TRIM65: variants seen among roughly 807,000 people sequenced by gnomAD.
TRIM65 encodes tripartite motif containing 65.
A neutral mutation model predicts 36.1 loss-of-function variants in TRIM65; 46 were observed. The observed-to-expected ratio is 1.27, with a 90% CI of 1.01 to 1.63. TRIM65 has a LOEUF of 1.63. Among genes scored for constraint, TRIM65 ranks in the 40% most tolerant of loss-of-function variants. TRIM65 has a pLI of 0.00. For synonymous variants in TRIM65, 346 were observed against 313.6 expected, an observed-to-expected ratio of 1.10 and a Z score of -1.09; for missense variants, 708 against 696.6, an observed-to-expected ratio of 1.02 and a Z score of -0.18.
In TRIM65 at chr17:75,890,882, G is replaced by A; in HGVS notation, c.1451C>T (p.Pro484Leu). ...GAGGAGCCAGAAGACGGGGGTGAGG[G>A]GCTGGTTGAAGAGGGCATGGAAGGT... is the stretch of plus-strand genomic sequence containing the variant. ...LYTFHALFNQPLTPVFWLLEG... is the reference protein window; with the variant it reads ...LYTFHALFNQLLTPVFWLLEG... The change falls in exon 6 of 6, where the codon CCC (proline) becomes CTC (leucine). Residue 484 changes from proline to leucine, a missense_variant. Physicochemically the swap from Pro to Leu is moderately conservative, Grantham distance 98. Transcript: ENST00000269383. The A allele has an allele frequency of 6.5e-7, 1 of 1,532,342 alleles. No individual in the cohort carries two copies. The highest frequency in any genetic ancestry group is 8.7e-7 in the Non-Finnish European group (1 of 1,143,078). 94.9% of individuals were successfully genotyped at this position (1,532,342 alleles called of 1,614,324 possible).
downstream of TRIM65, among the ~76,000 whole-genome samples, chr17:75,886,174 G>A (rs1309666761): frequency 6.6e-6 from 1 of 152,044 alleles, no homozygotes; most frequent in African/African-American, 2.4e-5. Context: ...CTCCTCCTTC[G>A]CTTTCTACCA....
At position 75,890,729 on chromosome 17, in the gene TRIM65, G is replaced by A; in HGVS notation, c.*50C>T. 1 of 1,407,996 alleles carries A rather than the reference G, an allele frequency of 7.1e-7. No individual in the cohort carries two copies. Among genetic ancestry groups the A allele is most frequent in the Non-Finnish European group, 9.3e-7 (1 of 1,074,260 alleles). The allele number at this position is 1,407,996 out of a possible 1,614,324, so 87.2% of individuals were successfully genotyped here. On this transcript the variant is annotated 3_prime_UTR_variant, in exon 6 of 6. Transcript: ENST00000269383. ...CCAAGCTGAAGCTGGGCAGCTCTTG[G>A]GCACATAGGCATGGTGGCAGCTATG...
At chr17:75,893,230 C>A (rs560880392) in intron 1 of TRIM65, among the ~76,000 whole-genome samples, 34 of 152,290 alleles carry the variant, frequency 2.2e-4, no homozygotes, top group African/African-American at 8.2e-4. Context: ...GGAGGCCTCG[C>A]AGGGAGGACC....
chr17:75,892,646 C>A, intron 2 of TRIM65, 109 bp downstream of exon 2: 1 of 1,262,470 alleles, frequency 7.9e-7, no homozygotes, highest in Non-Finnish European at 1.1e-6. Context: ...CTGTGCCCAG[C>A]TCCCTGCTCA....
At chr17:75,887,188 A>C (rs1350484416), downstream of TRIM65, among the ~76,000 whole-genome samples, 1 of 150,786 alleles carries the variant, frequency 6.6e-6, no homozygotes, top group East Asian at 1.9e-4. Flanking sequence ...GAGAAAAAGC[A>C]AAAAGAAAAA....
At chr17:75,895,558 C>T (rs927202190) in intron 1 of TRIM65, among the ~76,000 whole-genome samples, 4 of 152,164 alleles carry the variant, frequency 2.6e-5, no homozygotes, top group African/African-American at 9.7e-5. Context: ...ATCCCAGAGA[C>T]GGGACCAGGC....
chr17:75,886,640 T>C (rs2065209830), downstream of TRIM65, among the ~76,000 whole-genome samples: 1 of 150,946 alleles, frequency 6.6e-6, no homozygotes, highest in South Asian at 2.1e-4. Context: ...CCAATCCAAC[T>C]CCCTCCAATC....
intron 1 of TRIM65, among the ~76,000 whole-genome samples, chr17:75,894,458 CCT>C (rs962517211): frequency 2.0e-4 from 30 of 152,364 alleles, no homozygotes; most frequent in African/African-American, 5.0e-4. Context: ...TCCTGGCACC[CCT>C]GTCTCCAGGT....
At position 75,890,710 on chromosome 17, in the gene TRIM65, T is replaced by C; in HGVS notation, c.*69A>G. 7.4e-7 allele frequency: 1 copy of C among 1,344,478 alleles called. No homozygotes were observed. 83.3% of individuals were successfully genotyped at this position (1,344,478 alleles called of 1,614,324 possible). ...ACAGCTGGTCCTCCAGTCCCCAAGC[T>C]GAAGCTGGGCAGCTCTTGGGCACAT... On this transcript the variant is annotated 3_prime_UTR_variant, in exon 6 of 6. Coordinates refer to ENST00000269383, the MANE Select transcript of TRIM65 (RefSeq NM_173547.4).
intron 2 of TRIM65, 92 bp from the exon 3 acceptor site, chr17:75,892,592 C>A (rs543956932): frequency 1.5e-6 from 2 of 1,318,220 alleles, no homozygotes; most frequent in East Asian, 2.4e-5. Context: ...GGCTGAGGGT[C>A]AGGGATGTGG....
chr17:75,890,627 T>G lies in TRIM65; in HGVS notation c.*152A>C. ...TCAAAAAGGCTGCAACAGTGAACTCTGCGTTTATGCTCACCTCCCCCAACC... is the reference window on the plus strand; with the variant it reads ...TCAAAAAGGCTGCAACAGTGAACTCGGCGTTTATGCTCACCTCCCCCAACC... On this transcript the variant is annotated 3_prime_UTR_variant, in exon 6 of 6. Coordinates refer to ENST00000269383, the MANE Select transcript of TRIM65 (RefSeq NM_173547.4). 1.6e-6 allele frequency: 1 copy of G among 633,630 alleles called. No homozygotes were observed. Among genetic ancestry groups the G allele is most frequent in the East Asian group, 3.1e-5 (1 of 32,434 alleles). The allele number at this position is 633,630 out of a possible 1,614,324, so 39.3% of individuals were successfully genotyped here.
At chr17:75,895,455 C>T (rs1355117427) in intron 1 of TRIM65, among the ~76,000 whole-genome samples, 1 of 152,152 alleles carries the variant, frequency 6.6e-6, no homozygotes, top group Admixed American at 6.5e-5. Context: ...AGGACCCTGC[C>T]CGATCCTGCC....
In TRIM65 at chr17:75,891,103, C is replaced by A; in HGVS notation, c.1230G>T (p.Gly410=). The change falls in exon 6 of 6, where the codon GGG becomes GGT. Residue 410 remains glycine, a synonymous_variant. Coordinates refer to ENST00000269383, the MANE Select transcript of TRIM65 (RefSeq NM_173547.4). The stretch of plus-strand genomic sequence containing the variant: ...CCCGGCCAATGTTGTCTGTGTGGGG[C>A]CCCAGCCTGCACCGTGGCAGTTGCG... ...SYPQLPRCRL[G]PHTDNIGRGP... 1 of 1,609,714 alleles carries A rather than the reference C, an allele frequency of 6.2e-7. No homozygotes were observed. The highest frequency in any genetic ancestry group is 8.5e-7 in the Non-Finnish European group (1 of 1,179,882).
At chr17:75,891,570 C>T (rs1050336362) in intron 5 of TRIM65, among the ~76,000 whole-genome samples, 7 of 152,186 alleles carry the variant, frequency 4.6e-5, no homozygotes, top group Non-Finnish European at 1.0e-4. Flanking sequence ...GGAAGAATTA[C>T]GGGTCTGTGC....
chr17:75,882,719 C>A (rs1286199197), intron 4 of TRIM65, among the ~76,000 whole-genome samples: 1 of 150,638 alleles, frequency 6.6e-6, no homozygotes, highest in Non-Finnish European at 1.5e-5. Context: ...CCATGTCTTG[C>A]CAGAGGTCAC....
downstream of TRIM65, among the ~76,000 whole-genome samples, chr17:75,887,020 G>A (rs1351253939): frequency 6.6e-6 from 1 of 151,842 alleles, no homozygotes; most frequent in Non-Finnish European, 1.5e-5. Context: ...AGCTGGGCGA[G>A]GTGGTATGCG....
At position 75,891,116 on chromosome 17, in the gene TRIM65, C is replaced by T. The variant is rs775028630; in HGVS notation, c.1217G>A (p.Arg406Gln). 1.3e-5 allele frequency: 21 copies of T among 1,609,058 alleles called. No homozygotes were observed. The highest frequency in any genetic ancestry group is 4.0e-5 in the African/African-American group (3 of 74,920). Residue 406 changes from arginine (R) to glutamine (Q), a missense_variant, in exon 6 of 6, where the codon CGG becomes CAG. Coordinates refer to ENST00000269383, the MANE Select transcript of TRIM65 (RefSeq NM_173547.4). Reference protein sequence around the residue: ...TLGVSYPQLPRCRLGPHTDNI... With the variant: ...TLGVSYPQLPQCRLGPHTDNI... ...GTCTGTGTGGGGCCCCAGCCTGCAC[C>T]GTGGCAGTTGCGGGTAGGAGACGCC...
At chr17:75,882,085 G>A (rs983836573) in intron 4 of TRIM65, among the ~76,000 whole-genome samples, 1 of 150,472 alleles carries the variant, frequency 6.6e-6, no homozygotes, top group African/African-American at 2.5e-5. Flanking sequence ...GTGCCTTTCC[G>A]GTTGGGTCCC....
chr17:75,879,779 G>A (rs1289649442), downstream of TRIM65, among the ~76,000 whole-genome samples: 1 of 150,598 alleles, frequency 6.6e-6, no homozygotes, highest in Non-Finnish European at 1.5e-5. Flanking sequence ...TTTAGATGGA[G>A]TTTCGCTCTT....
Sources: gnomAD v4.1 joint callset for allele counts (sites outside exome capture counted in the v4.1 genomes callset) on GRCh38, gnomAD v4.1.1 for gene constraint, MANE v1.5 for transcripts, NCBI Gene and HGNC (gene_info 2026-07-23, HGNC 2026-07-21) for gene names.